TLX1: variants seen among roughly 807,000 people sequenced by gnomAD.
The protein encoded by TLX1 is T-cell leukemia homeobox protein 1.
In TLX1, 6 loss-of-function variants were observed where a neutral mutation model predicts 26.5. That is an observed-to-expected ratio of 0.23 (90% CI 0.12 to 0.45). The LOEUF is 0.45. TLX1 is among the 20% of genes least tolerant of loss of function. The pLI is 0.99. For synonymous variants in TLX1, 217 were observed against 219.7 expected, an observed-to-expected ratio of 0.99 and a Z score of 0.11; for missense variants, 418 against 482.6, an observed-to-expected ratio of 0.87 and a Z score of 1.25.
intron 2 of TLX1, among the ~76,000 whole-genome samples, chr10:101,136,183 C>A (rs1381442971): frequency 1.3e-5 from 2 of 152,224 alleles, no homozygotes; most frequent in Non-Finnish European, 2.9e-5. Flanking sequence ...GCACAGGGCT[C>A]CACACAGAAG....
At chr10:101,134,759 C>T (rs1940252912) in intron 2 of TLX1, among the ~76,000 whole-genome samples, 1 of 152,228 alleles carries the variant, frequency 6.6e-6, no homozygotes, top group Non-Finnish European at 1.5e-5. Context: ...TGGAATCCTG[C>T]TCTGTCCTGG....
At position 101,132,036 on chromosome 10, in the gene TLX1, C is replaced by T; in HGVS notation, c.495C>T (p.Gly165=). The T allele has an allele frequency of 6.6e-7, 1 of 1,516,012 alleles. No homozygotes were observed. The allele number at this position is 1,516,012 out of a possible 1,614,324, so 93.9% of individuals were successfully genotyped here. Residue 165 remains glycine, a synonymous_variant, in exon 1 of 3, where the codon GGC becomes GGT. Coordinates refer to ENST00000370196, the MANE Select transcript of TLX1 (RefSeq NM_005521.4). The surrounding 1 kb of genome is among the most constrained non-coding windows in gnomAD (Gnocchi z 4.1). ...PTVPSVPAMP[G]VNNLTGLTFP... ...TGCCCTCTGTGCCTGCCATGCCGGG[C>T]GTCAACAACCTCACTGGCCTCACCT...
At chr10:101,134,006 G>A (rs1038337283) in intron 1 of TLX1, 169 bp from the exon 2 acceptor site, 7 of 633,866 alleles carry the variant, frequency 1.1e-5, no homozygotes, top group Non-Finnish European at 1.6e-5. Context: ...TGTCGCTGAG[G>A]GCTAACGGGA....
At position 101,134,259 on chromosome 10, in the gene TLX1, A is replaced by G; in HGVS notation, c.653A>G (p.Lys218Arg). Residue 218 changes from lysine to arginine, a missense_variant, in exon 2 of 3, where the codon AAG becomes AGG. Around this residue, in one of 3 missense-constraint regions of TLX1, gnomAD observed 322 missense variants for 344.6 expected, o/e 0.93. Coordinates refer to ENST00000370196, the MANE Select transcript of TLX1 (RefSeq NM_005521.4). ...FTRLQICELE[K>R]RFHRQKYLAS... ...CGCCTGCAGATCTGCGAGCTGGAGA[A>G]GCGCTTCCACCGCCAGAAGTACCTG... 1 of 1,612,022 alleles carries G rather than the reference A, an allele frequency of 6.2e-7. No individual in the cohort carries two copies. Among genetic ancestry groups the G allele is most frequent in the South Asian group, 1.1e-5 (1 of 90,640 alleles).
chr10:101,133,399 C>T (rs998562120), intron 1 of TLX1, among the ~76,000 whole-genome samples: 5 of 152,192 alleles, frequency 3.3e-5, no homozygotes, highest in African/African-American at 1.2e-4. Flanking sequence ...CAGGAAGGGC[C>T]CTCCCTAGAG....
intron 2 of TLX1, among the ~76,000 whole-genome samples, chr10:101,136,462 C>T (rs960995062): frequency 1.3e-5 from 2 of 152,214 alleles, no homozygotes; most frequent in African/African-American, 2.4e-5. Context: ...ACTTTCCCAT[C>T]GCTCCTCCTC....
In TLX1 at chr10:101,136,974, C is replaced by G; in HGVS notation, c.*61C>G. ...CTCAGGGGTCACTGAGGCCTGAGAC[C>G]CAGGACTCCTCCCCACCCTCCTGGC... On this transcript the variant is annotated 3_prime_UTR_variant, in exon 3 of 3. Coordinates refer to ENST00000370196, the MANE Select transcript of TLX1 (RefSeq NM_005521.4). The G allele has an allele frequency of 1.9e-6, 3 of 1,585,506 alleles. No homozygotes were observed. Among genetic ancestry groups the G allele is most frequent in the African/African-American group, 1.3e-5 (1 of 74,472 alleles).
At chr10:101,136,606 T>G (rs1940298792) in intron 2 of TLX1, 85 bp from the exon 3 acceptor site, 2 of 1,607,816 alleles carry the variant, frequency 1.2e-6, no homozygotes, top group African/African-American at 2.7e-5. Context: ...TCGTTCAGTT[T>G]ATCTCCTGGG....
chr10:101,132,544 T>TC lies in TLX1; in HGVS notation c.568+440dup, dbSNP rs1394013586. 6.6e-6 allele frequency among the ~76,000 whole-genome samples: 1 copy of TC among 151,992 alleles called. No individual in the cohort carries two copies. The highest frequency in any genetic ancestry group is 1.5e-5 in the Non-Finnish European group (1 of 67,994). On this transcript the variant is annotated intron_variant, in intron 1 of 2. Coordinates refer to ENST00000370196, the MANE Select transcript of TLX1 (RefSeq NM_005521.4). This position sits in a 1 kb window ranked among gnomAD's most constrained non-coding sequence, Gnocchi z 4.1. ...GATCAGACACAAGAAAAGAACAGGTTCCCCCACCTCCAGTCCCCTACACAC... is the reference window on the plus strand; with the variant it reads ...GATCAGACACAAGAAAAGAACAGGTTCCCCCCACCTCCAGTCCCCTACACAC...
rs975822433 is a variant in TLX1 at position 101,132,542 on chromosome 10, G to T, written c.568+433G>T. 1.6e-4 allele frequency among the ~76,000 whole-genome samples: 24 copies of T among 152,262 alleles called. No homozygotes were observed. Among genetic ancestry groups the T allele is most frequent in the Admixed American group, 1.0e-3 (16 of 15,296 alleles). On this transcript the variant is annotated intron_variant, in intron 1 of 2. Transcript: ENST00000370196. The surrounding 1 kb of genome is among the most constrained non-coding windows in gnomAD (Gnocchi z 4.1). ...AGGATCAGACACAAGAAAAGAACAG[G>T]TTCCCCCACCTCCAGTCCCCTACAC... is the stretch of plus-strand genomic sequence containing the variant.
intron 2 of TLX1, among the ~76,000 whole-genome samples, 198 bp from the exon 3 acceptor site, chr10:101,136,493 C>T (rs1940296472): frequency 6.6e-6 from 1 of 152,208 alleles, no homozygotes; most frequent in South Asian, 2.1e-4. Flanking sequence ...TGGCTCCATC[C>T]GCTTTGGGGT....
Position 101,131,837 on chromosome 10 carries a change from G to T in TLX1, c.296G>T (p.Gly99Val). ...GGACSMGPLT[G>V]SYNVNMALAG... ...GCCTGCAGCATGGGTCCTCTGACCG[G>T]CTCCTACAACGTGAACATGGCCTTG... Residue 99 changes from glycine to valine, a missense_variant, in exon 1 of 3, where the codon GGC (glycine) becomes GTC (valine). Gly to Val is a moderately radical substitution (Grantham distance 109, BLOSUM62 -3). Transcript: ENST00000370196. 1 of 1,409,692 alleles carries T rather than the reference G, an allele frequency of 7.1e-7. No individual in the cohort carries two copies. Among genetic ancestry groups the T allele is most frequent in the Non-Finnish European group, 9.2e-7 (1 of 1,090,012 alleles). 87.3% of individuals were successfully genotyped at this position (1,409,692 alleles called of 1,614,324 possible).
rs1264018294 is a variant in TLX1, at chr10:101,132,788, T to C, written c.568+679T>C. 6.6e-6 allele frequency: 1 copy of C among 152,278 alleles called. No homozygotes were observed. Among genetic ancestry groups the C allele is most frequent in the Non-Finnish European group, 1.5e-5 (1 of 68,106 alleles). 9.4% of individuals were successfully genotyped at this position (152,278 alleles called of 1,614,324 possible). A position where few individuals can be genotyped will look rare whatever the true frequency, so the allele number is the denominator to read the frequency against. On this transcript the variant is annotated intron_variant, in intron 1 of 2. Coordinates refer to ENST00000370196, the MANE Select transcript of TLX1 (RefSeq NM_005521.4). This position sits in a 1 kb window ranked among gnomAD's most constrained non-coding sequence, Gnocchi z 4.1. ...TCCTACCCCGGGCCCAGCCCTGTTA[T>C]CTTGGGCACGAACAATGCACCGGTA...
chr10:101,131,865 A>G lies in TLX1; in HGVS notation c.324A>G (p.Ala108=), dbSNP rs773805254. 13 of 1,405,950 alleles carry G rather than the reference A, an allele frequency of 9.2e-6. No individual in the cohort carries two copies. The South Asian group carries it at 2.1e-4, about 22-fold the overall frequency. The allele number at this position is 1,405,950 out of a possible 1,614,324, so 87.1% of individuals were successfully genotyped here. Reference sequence around the variant, plus strand: ...CCTACAACGTGAACATGGCCTTGGCAGGCGGCCCCGGTCCTGGCGGCGGCG... The same window carrying G: ...CCTACAACGTGAACATGGCCTTGGCGGGCGGCCCCGGTCCTGGCGGCGGCG... The part of the protein sequence containing the change: ...TGSYNVNMAL[A]GGPGPGGGGG... The change falls in exon 1 of 3, where the codon GCA becomes GCG. Residue 108 remains alanine (A), a synonymous_variant. Transcript: ENST00000370196.
Position 101,132,377 on chromosome 10 carries a change from G to T in TLX1, c.568+268G>T, listed in dbSNP as rs1940198582. The stretch of plus-strand genomic sequence containing the variant: ...TCCCCTCTCCGGATCCACTAGCCGG[G>T]TCAGGCAGAGAGAAGGAGGCCATAG... On this transcript the variant is annotated intron_variant, in intron 1 of 2. Coordinates refer to ENST00000370196, the MANE Select transcript of TLX1 (RefSeq NM_005521.4). The surrounding 1 kb of genome is among the most constrained non-coding windows in gnomAD (Gnocchi z 4.1). Among the ~76,000 whole-genome samples, 1 of 152,272 alleles carries T rather than the reference G, an allele frequency of 6.6e-6. No homozygotes were observed. Among genetic ancestry groups the T allele is most frequent in the African/African-American group, 2.4e-5 (1 of 41,478 alleles).
chr10:101,135,024 T>A (rs1397282488), intron 2 of TLX1, among the ~76,000 whole-genome samples: 1 of 152,278 alleles, frequency 6.6e-6, no homozygotes. Flanking sequence ...CCTTCTCCCA[T>A]AGCCACAACT....
chr10:101,136,665 CA>C, intron 2 of TLX1, 25 bp from the exon 3 acceptor site: 1 of 1,612,838 alleles, frequency 6.2e-7, no homozygotes, highest in Non-Finnish European at 8.5e-7. Context: ...GTGCTCCTGG[CA>C]GGTAACGGCT....
At chr10:101,135,933 C>A (rs1940286182) in intron 2 of TLX1, among the ~76,000 whole-genome samples, 1 of 152,116 alleles carries the variant, frequency 6.6e-6, no homozygotes, top group Non-Finnish European at 1.5e-5. Flanking sequence ...AAAAGGCGGC[C>A]CAGAGCAGGT....
chr10:101,136,457 C>T lies in TLX1; in HGVS notation c.771-234C>T, dbSNP rs866324568. Among the ~76,000 whole-genome samples the T allele has an allele frequency of 3.3e-5, 5 of 152,332 alleles. 1 individual carries two copies. The Middle Eastern group carries it at 0.014, about 415-fold the overall frequency. ...CAGCTGTTTGGGCCTCGCAGACTTTCCCATCGCTCCTCCTCTGGGATACCT... is the reference window on the plus strand; with the variant it reads ...CAGCTGTTTGGGCCTCGCAGACTTTTCCATCGCTCCTCCTCTGGGATACCT... On this transcript the variant is annotated intron_variant, in intron 2 of 2. Coordinates refer to ENST00000370196, the MANE Select transcript of TLX1 (RefSeq NM_005521.4).
Sources: allele counts gnomAD v4.1 joint callset (sites outside exome capture counted in the v4.1 genomes callset), GRCh38; gene constraint gnomAD v4.1.1; regional missense constraint gnomAD v4.1.1; non-coding constraint Gnocchi (gnomAD v3.1); transcripts MANE v1.5; gene names NCBI Gene and HGNC (gene_info 2026-07-23, HGNC 2026-07-21).